RABEP1: variants seen among roughly 807,000 people sequenced by gnomAD.
The protein encoded by RABEP1 is rab GTPase-binding effector protein 1.
In RABEP1, 51 loss-of-function variants were observed where a neutral mutation model predicts 123.4. That is an observed-to-expected ratio of 0.41 (90% CI 0.33 to 0.52). RABEP1 has a LOEUF of 0.52. RABEP1 is among the 20% of genes least tolerant of loss of function. RABEP1 has a pLI of 0.16. For synonymous variants in RABEP1, 347 were observed against 355.2 expected, an observed-to-expected ratio of 0.98 and a Z score of 0.26; for missense variants, 888 against 996.3, an observed-to-expected ratio of 0.89 and a Z score of 1.46.
Position 5,383,590 on chromosome 17 carries a change from TAGATATTGG to T in RABEP1, c.*369_*377del. ...AGTAGTGTTTGGAATTTTCTGTTCA[TAGATATTGG>T]AAGAGAGAATTTGCTTTATCTGTTG... On this transcript the variant is annotated 3_prime_UTR_variant, in exon 18 of 18. Transcript: ENST00000537505. 1 of 280,922 alleles carries T rather than the reference TAGATATTGG, an allele frequency of 3.6e-6. No homozygotes were observed. The highest frequency in any genetic ancestry group is 6.8e-6 in the Non-Finnish European group (1 of 146,910). 17.4% of individuals were successfully genotyped at this position (280,922 alleles called of 1,614,324 possible). A position where few individuals can be genotyped will look rare whatever the true frequency, so the allele number is the denominator to read the frequency against.
At chr17:5,377,083 C>T in intron 13 of RABEP1, 33 bp from the exon 14 acceptor site, 1 of 1,551,648 alleles carries the variant, frequency 6.4e-7, no homozygotes, top group Non-Finnish European at 8.7e-7. Context: ...TTCACTCTCA[C>T]AAACCCAATA....
At chr17:5,311,053 G>T (rs1250354903) in intron 2 of RABEP1, among the ~76,000 whole-genome samples, 1 of 151,874 alleles carries the variant, frequency 6.6e-6, no homozygotes, top group South Asian at 2.1e-4. Context: ...CAGATGATCC[G>T]CCTGCCTCGG....
intron 3 of RABEP1, 25 bp from the exon 4 acceptor site, chr17:5,335,159 T>G: frequency 1.9e-6 from 3 of 1,569,002 alleles, no homozygotes; most frequent in Non-Finnish European, 2.6e-6. Context: ...TGCTTAGATG[T>G]GAAATATGTG....
chr17:5,365,101 T>G, intron 10 of RABEP1, 21 bp from the exon 11 acceptor site: 1 of 1,488,672 alleles, frequency 6.7e-7, no homozygotes, highest in Non-Finnish European at 9.1e-7. Flanking sequence ...GTTTTTCTAA[T>G]TGACTTTTAA....
Position 5,346,796 on chromosome 17 carries a change from G to C in RABEP1, c.655G>C (p.Glu219Gln). The change falls in exon 6 of 18, where the codon GAA becomes CAA. Residue 219 changes from glutamate (E) to glutamine (Q), a missense_variant. By Grantham distance (29) the Glu-to-Gln change is conservative (BLOSUM62 2). Transcript: ENST00000537505. The stretch of plus-strand genomic sequence containing the variant: ...GAATTGCATCTTCTTTCAGGTTAAA[G>C]AACTGAATCATTATCTGGAAGCTGA... ...IKELEASKVK[E>Q]LNHYLEAEKS... 6.4e-7 allele frequency: 1 copy of C among 1,568,830 alleles called. No homozygotes were observed. The highest frequency in any genetic ancestry group is 1.2e-5 in the South Asian group (1 of 82,694).
rs757975651 is a variant in RABEP1, at chr17:5,378,234, T to C, written c.2271+2T>C. The C allele has an allele frequency of 2.0e-5, 32 of 1,588,254 alleles. 1 individual carries two copies. The South Asian group carries it at 3.4e-4, about 17-fold the overall frequency. On this transcript the variant is annotated splice_donor_variant, in intron 15 of 17. Coordinates refer to ENST00000537505, the MANE Select transcript of RABEP1 (RefSeq NM_004703.6). LOFTEE classifies it high-confidence loss of function. The stretch of plus-strand genomic sequence containing the variant: ...AGAATAAAAGTGGAAAAAGGACAGG[T>C]AAGTCGTGAGTTTCAAATTAATTCT...
Position 5,381,378 on chromosome 17 carries a change from G to C in RABEP1, c.2371-11G>C, listed in dbSNP as rs1911436661. The C allele has an allele frequency of 3.7e-6, 6 of 1,606,236 alleles. No homozygotes were observed. Among genetic ancestry groups the C allele is most frequent in the South Asian group, 1.1e-5 (1 of 89,096 alleles). ...TGGCATTAATCTTCATTCAAAACTT[G>C]TATTTTTTAGGCTACCGTTGAACAA... On this transcript the variant is annotated splice_polypyrimidine_tract_variant and intron_variant, in intron 16 of 17. Coordinates refer to ENST00000537505, the MANE Select transcript of RABEP1 (RefSeq NM_004703.6).
intron 2 of RABEP1, among the ~76,000 whole-genome samples, chr17:5,317,578 C>T (rs2075310366): frequency 6.6e-6 from 1 of 150,586 alleles, no homozygotes; most frequent in African/African-American, 2.4e-5. Flanking sequence ...AGGGCACTTA[C>T]CCAAAGAAAG....
At chr17:5,308,615 C>T in intron 1 of RABEP1, 79 bp from the exon 2 acceptor site, 4 of 1,281,414 alleles carry the variant, frequency 3.1e-6, no homozygotes, top group South Asian at 1.5e-5. Flanking sequence ...TAGCAATGTA[C>T]AGCTAGAATA....
In RABEP1 at chr17:5,330,650, T is replaced by C. The variant is rs1906440792; in HGVS notation, c.164-1299T>C. On this transcript the variant is annotated intron_variant, in intron 2 of 17. Transcript: ENST00000537505. ...GGTCAGTTTGGCTCAGTTATTGTGC[T>C]TTGGAGAGGAAATTGATACTTTTAC... Among the ~76,000 whole-genome samples the C allele has an allele frequency of 2.0e-5, 3 of 152,200 alleles. No individual in the cohort carries two copies. The South Asian group carries it at 6.2e-4, about 31-fold the overall frequency.
intron 13 of RABEP1, among the ~76,000 whole-genome samples, chr17:5,376,450 ATT>A (rs1911001377): frequency 6.6e-6 from 1 of 152,212 alleles, no homozygotes; most frequent in African/African-American, 2.4e-5. Flanking sequence ...TTTTATATAT[ATT>A]GTTATTTGAG....
intron 13 of RABEP1, 43 bp from the exon 14 acceptor site, chr17:5,377,073 T>C (rs775820250): frequency 1.3e-6 from 2 of 1,528,296 alleles, no homozygotes; most frequent in Middle Eastern, 1.7e-4. Context: ...TTTATTTCCT[T>C]TCACTCTCAC....
At position 5,372,866 on chromosome 17, in the gene RABEP1, C is replaced by T. The variant is rs560679274; in HGVS notation, c.1885-448C>T. Among the ~76,000 whole-genome samples, 21 of 152,236 alleles carry T rather than the reference C, an allele frequency of 1.4e-4. No individual in the cohort carries two copies. In the South Asian group the frequency reaches 2.9e-3, roughly 21 times the overall value. Reference sequence around the variant, plus strand: ...CGCCTCCTGGGTTCAAGCGATTCTCCGGCCTCAGCCTCCCTCCCTAGTTGC... The same window carrying T: ...CGCCTCCTGGGTTCAAGCGATTCTCTGGCCTCAGCCTCCCTCCCTAGTTGC... On this transcript the variant is annotated intron_variant, in intron 12 of 17. Coordinates refer to ENST00000537505, the MANE Select transcript of RABEP1 (RefSeq NM_004703.6).
At chr17:5,305,627 T>A (rs1187111612) in intron 1 of RABEP1, among the ~76,000 whole-genome samples, 1 of 152,136 alleles carries the variant, frequency 6.6e-6, no homozygotes, top group Non-Finnish European at 1.5e-5. Flanking sequence ...GATTTTGGTT[T>A]TTCTCTTTCC....
At chr17:5,379,396 A>G (rs992849856) in intron 15 of RABEP1, among the ~76,000 whole-genome samples, 2 of 152,064 alleles carry the variant, frequency 1.3e-5, no homozygotes, top group African/African-American at 4.8e-5. Context: ...GATCTTTTCC[A>G]TTATGCATGA....
At chr17:5,305,541 T>C (rs1441743764) in intron 1 of RABEP1, among the ~76,000 whole-genome samples, 2 of 152,154 alleles carry the variant, frequency 1.3e-5, no homozygotes, top group Admixed American at 6.6e-5. Flanking sequence ...TATGGGTGTT[T>C]CGGTTATGTG....
In RABEP1 at chr17:5,386,226, G is replaced by A. The variant is rs199908225; in HGVS notation, c.*3003G>A. On this transcript the variant is annotated 3_prime_UTR_variant, in exon 18 of 18. Coordinates refer to ENST00000537505, the MANE Select transcript of RABEP1 (RefSeq NM_004703.6). ...TGGTGTCAGAAGTTTACATGATTGC[G>A]GATATCATTGATTTGCTTCACCATT... The A allele has an allele frequency of 4.0e-5, 64 of 1,613,146 alleles. No individual in the cohort carries two copies. The highest frequency in any genetic ancestry group is 3.3e-4 in the Middle Eastern group (2 of 6,060).
At chr17:5,340,388 G>A (rs886325915) in intron 5 of RABEP1, among the ~76,000 whole-genome samples, 6 of 152,062 alleles carry the variant, frequency 3.9e-5, no homozygotes, top group Non-Finnish European at 8.8e-5. Context: ...CCCTATAGTA[G>A]CCACTGTATG....
chr17:5,292,066 G>T (rs1241815989), intron 1 of RABEP1, among the ~76,000 whole-genome samples: 4 of 152,192 alleles, frequency 2.6e-5, no homozygotes, highest in Non-Finnish European at 5.9e-5. Flanking sequence ...TTCTGGATCT[G>T]AAGTATGACA....
Sources: gnomAD v4.1 joint callset for allele counts (sites outside exome capture counted in the v4.1 genomes callset) on GRCh38, gnomAD v4.1.1 for gene constraint, MANE v1.5 for transcripts, NCBI Gene and HGNC (gene_info 2026-07-23, HGNC 2026-07-21) for gene names.